TRMT44: variants seen among roughly 807,000 people sequenced by gnomAD.
TRMT44 encodes probable tRNA (uracil-O(2)-)-methyltransferase.
In TRMT44, 78 loss-of-function variants were observed where a neutral mutation model predicts 77.3. That is an observed-to-expected ratio of 1.01 (90% CI 0.84 to 1.22). The LOEUF (loss-of-function observed/expected upper bound fraction) is 1.22. Among genes scored for constraint, TRMT44 ranks in the 50% most tolerant of loss-of-function variants. The probability of loss-of-function intolerance (pLI) is 0.00; values close to 1 mark genes in which losing one functional copy is unlikely to be tolerated. For missense variants in TRMT44, 1,090 were observed against 964.4 expected (o/e 1.13, Z -1.73); for synonymous variants, 391 against 383.3 (o/e 1.02, Z -0.23).
intron 6 of TRMT44, among the ~76,000 whole-genome samples, chr4:8,462,844 C>T (rs547818048): frequency 4.6e-5 from 7 of 152,190 alleles, no homozygotes; most frequent in South Asian, 2.1e-4. Flanking sequence ...AATTTATTCA[C>T]GCCATTTAAA....
At chr4:8,499,270 C>T in the TRMT44 span, among the ~76,000 whole-genome samples, 1 of 152,092 alleles carries the variant, frequency 6.6e-6, no homozygotes, top group South Asian at 2.1e-4. Context: ...ACACTTGCCC[C>T]ATCTTCAGCC....
At chr4:8,469,543 A>G (rs1349134157) in intron 9 of TRMT44, among the ~76,000 whole-genome samples, 1 of 152,206 alleles carries the variant, frequency 6.6e-6, no homozygotes, top group Non-Finnish European at 1.5e-5. Context: ...ACGGGCACAC[A>G]GATGTCAGCT....
chr4:8,464,144 A>T (rs1332854062), intron 7 of TRMT44, 53 bp downstream of exon 7: 1 of 1,490,310 alleles, frequency 6.7e-7, no homozygotes, highest in Non-Finnish European at 9.3e-7. Context: ...TTCATCTTCT[A>T]AACAGTGGTG....
intron 6 of TRMT44, among the ~76,000 whole-genome samples, chr4:8,460,140 C>T (rs1726057144): frequency 6.6e-6 from 1 of 152,090 alleles, no homozygotes; most frequent in Non-Finnish European, 1.5e-5. Flanking sequence ...AAAATGACTC[C>T]CTAATGGGAA....
intron 3 of TRMT44, 21 bp downstream of exon 3, chr4:8,449,909 C>G: frequency 9.3e-7 from 1 of 1,069,756 alleles, no homozygotes; most frequent in South Asian, 1.8e-5. Context: ...TGGAGAATAT[C>G]TGATTTTTCC....
rs939131288 is a variant in TRMT44 at position 8,441,099 on chromosome 4, C to G, written c.277C>G (p.Gln93Glu). 2.6e-6 allele frequency: 4 copies of G among 1,510,074 alleles called. No homozygotes were observed. The African/African-American group carries it at 4.1e-5, about 16-fold the overall frequency. 93.5% of individuals were successfully genotyped at this position (1,510,074 alleles called of 1,614,324 possible). ...TCCCAGGTCGCTATCAGGACCCGAG[C>G]AGGGCACGGCATGTTGCGAACTTGA... ...PGPRSLSGPE[Q>E]GTACCELEEA... Residue 93 changes from glutamine (Q) to glutamate (E), a missense_variant, in exon 1 of 11, where the codon CAG (glutamine) becomes GAG (glutamate). By Grantham distance (29) the Gln-to-Glu change is conservative (BLOSUM62 2). Transcript: ENST00000389737.
intron 6 of TRMT44, among the ~76,000 whole-genome samples, chr4:8,459,343 G>A (rs1026590648): frequency 6.6e-6 from 1 of 152,208 alleles, no homozygotes; most frequent in African/African-American, 2.4e-5. Flanking sequence ...AAAGGTAAAT[G>A]TATTTTATGT....
intron 2 of TRMT44, among the ~76,000 whole-genome samples, chr4:8,447,875 A>G (rs1351773327): frequency 1.3e-5 from 2 of 152,190 alleles, no homozygotes; most frequent in Non-Finnish European, 2.9e-5. Flanking sequence ...CTGTGTGCCC[A>G]TTAGCCAGAA....
At chr4:8,489,846 C>A (rs1359345869) in intron 2 of TRMT44, among the ~76,000 whole-genome samples, 1 of 152,140 alleles carries the variant, frequency 6.6e-6, no homozygotes, top group Admixed American at 6.5e-5. Context: ...TAATGGAAGG[C>A]CGTCAGACTG....
In TRMT44 at chr4:8,441,249, G is replaced by T. The variant is rs1352848243; in HGVS notation, c.427G>T (p.Asp143Tyr). Reference sequence around the variant, plus strand: ...GGGCGACTTCCCCGCCGCAGATCTGGATTCGCTTTGGGAGGATTTCTCCCA... The same window carrying T: ...GGGCGACTTCCCCGCCGCAGATCTGTATTCGCTTTGGGAGGATTTCTCCCA... ...REGDFPAADL[D>Y]SLWEDFSQSL... Residue 143 changes from aspartate (D) to tyrosine (Y), a missense_variant, in exon 1 of 11, where the codon GAT becomes TAT. Asp to Tyr is a radical substitution (Grantham distance 160). Coordinates refer to ENST00000389737, the MANE Select transcript of TRMT44 (RefSeq NM_152544.3). 6 of 1,535,506 alleles carry T rather than the reference G, an allele frequency of 3.9e-6. No individual in the cohort carries two copies. In the African/African-American group the frequency reaches 6.8e-5, roughly 18 times the overall value.
intron 1 of TRMT44, among the ~76,000 whole-genome samples, chr4:8,442,138 AC>A (rs2109074322): frequency 6.6e-6 from 1 of 152,342 alleles, no homozygotes; most frequent in East Asian, 1.9e-4. Flanking sequence ...TATAGGTAAG[AC>A]AGTAGGTCTC....
intron 9 of TRMT44, 97 bp downstream of exon 9, chr4:8,468,443 G>C: frequency 1.6e-6 from 2 of 1,257,760 alleles, no homozygotes; most frequent in South Asian, 1.3e-5. Flanking sequence ...GTGTGGCCCT[G>C]TGACTACACA....
intron 10 of TRMT44, among the ~76,000 whole-genome samples, chr4:8,474,935 TG>T (rs1166019065): frequency 6.6e-6 from 1 of 152,204 alleles, no homozygotes; most frequent in Non-Finnish European, 1.5e-5. Flanking sequence ...CACCCCACTC[TG>T]ATGTCCCTCC....
downstream of TRMT44, chr4:8,493,532 A>C (rs911389759): frequency 1.3e-5 from 2 of 152,182 alleles, no homozygotes; most frequent in Non-Finnish European, 2.9e-5. Context: ...ACTCTGCATG[A>C]ATTAAGCTCT....
intron 1 of TRMT44, 74 bp downstream of exon 1, chr4:8,441,515 G>T: frequency 7.0e-7 from 1 of 1,422,844 alleles, no homozygotes; most frequent in Non-Finnish European, 9.2e-7. Context: ...CAATGAAAAA[G>T]TCCTAAGGGT....
the TRMT44 span, among the ~76,000 whole-genome samples, chr4:8,501,345 A>G: frequency 6.6e-6 from 1 of 152,114 alleles, no homozygotes; most frequent in Non-Finnish European, 1.5e-5. The surrounding 1 kb of genome is among the most constrained non-coding windows in gnomAD (Gnocchi z 4.4). Context: ...GATGGTATGT[A>G]GGCTGCTGCT....
the TRMT44 span, among the ~76,000 whole-genome samples, chr4:8,501,766 C>T: frequency 6.6e-6 from 1 of 152,122 alleles, no homozygotes; most frequent in Non-Finnish European, 1.5e-5. The surrounding 1 kb of genome is among the most constrained non-coding windows in gnomAD (Gnocchi z 4.4). Flanking sequence ...CCCTCAGTGA[C>T]TGGAGTCTCA....
the TRMT44 span, among the ~76,000 whole-genome samples, chr4:8,505,963 A>C: frequency 6.6e-6 from 1 of 152,234 alleles, no homozygotes; most frequent in African/African-American, 2.4e-5. Context: ...AGGACTCCCC[A>C]ACCATGTGGA....
Position 8,465,395 on chromosome 4 carries a change from G to T in TRMT44, c.1328G>T (p.Arg443Leu). The T allele has an allele frequency of 1.2e-6, 2 of 1,611,860 alleles. No individual in the cohort carries two copies. Among genetic ancestry groups the T allele is most frequent in the Non-Finnish European group, 8.5e-7 (1 of 1,179,226 alleles). Residue 443 changes from arginine (R) to leucine (L), a missense_variant, in exon 8 of 11, where the codon CGC (arginine) becomes CTC (leucine). Physicochemically the swap from Arg to Leu is moderately radical, Grantham distance 102. Transcript: ENST00000389737. ...TTTTGAAGGTCTTCCTACAATTGCC[G>T]CTTCTTTGTCCTCCCCTGCTGCTTC... Reference protein sequence around the residue: ...VIAARSSYNCRFFVLPCCFFD... With the variant: ...VIAARSSYNCLFFVLPCCFFD...
Sources: gnomAD v4.1 joint callset for allele counts (sites outside exome capture counted in the v4.1 genomes callset) on GRCh38, gnomAD v4.1.1 for gene constraint, Gnocchi (gnomAD v3.1) non-coding constraint, MANE v1.5 for transcripts, NCBI Gene and HGNC (gene_info 2026-07-23, HGNC 2026-07-21) for gene names.